The following HNRNPH3 variants were observed in gnomAD, a reference collection of about 807,000 sequenced individuals.
HNRNPH3 encodes heterogeneous nuclear ribonucleoprotein H3, also known as heterogeneous nuclear ribonucleoprotein 2H9.
Under a neutral mutation model 47.0 loss-of-function variants are expected in HNRNPH3, and 7 were observed. The observed-to-expected ratio is 0.15, with a 90% CI of 0.08 to 0.28. HNRNPH3 has a LOEUF of 0.28. HNRNPH3 is among the 10% of genes least tolerant of loss of function. The pLI is 1.00. For missense variants in HNRNPH3, 279 were observed against 449.6 expected (o/e 0.62, Z 3.43); for synonymous variants, 120 against 143.2 (o/e 0.84, Z 1.16).
chr10:68,337,479 T>C lies in HNRNPH3; in HGVS notation c.112+146T>C. On this transcript the variant is annotated intron_variant, in intron 2 of 9. Transcript: ENST00000265866. The surrounding 1 kb of genome is among the most constrained non-coding windows in gnomAD (Gnocchi z 4.5). The stretch of plus-strand genomic sequence containing the variant: ...TGGTTAATGTATTAAAATAATATGC[T>C]CCAGTTAATATTCAATACAGAATGT... 1 of 597,070 alleles carries C rather than the reference T, an allele frequency of 1.7e-6. No homozygotes were observed. The highest frequency in any genetic ancestry group is 3.0e-6 in the Non-Finnish European group (1 of 336,554). 37.0% of individuals were successfully genotyped at this position (597,070 alleles called of 1,614,324 possible). A position where few individuals can be genotyped will look rare whatever the true frequency, so the allele number is the denominator to read the frequency against.
At chr10:68,340,886 C>T (rs1297313213) in intron 6 of HNRNPH3, among the ~76,000 whole-genome samples, 13 of 151,822 alleles carry the variant, frequency 8.6e-5, no homozygotes, top group Non-Finnish European at 1.5e-5. Flanking sequence ...TACTGCAGCT[C>T]CCACCTCCTG....
intron 5 of HNRNPH3, 24 bp from the exon 6 acceptor site, chr10:68,339,416 A>G: frequency 1.3e-6 from 2 of 1,592,586 alleles, no homozygotes; most frequent in Non-Finnish European, 8.6e-7. Context: ...ATAGTTTATA[A>G]TCTTGGCAAA....
chr10:68,334,506 CACT>C (rs1472622858), intron 1 of HNRNPH3, among the ~76,000 whole-genome samples: 3 of 152,116 alleles, frequency 2.0e-5, no homozygotes, highest in Non-Finnish European at 4.4e-5. Context: ...GTGTGACCGT[CACT>C]ACAATTTAAT....
At position 68,341,592 on chromosome 10, in the gene HNRNPH3, A is replaced by G; in HGVS notation, c.783A>G (p.Arg261=). 2 of 1,604,328 alleles carry G rather than the reference A, an allele frequency of 1.2e-6. No homozygotes were observed. Among genetic ancestry groups the G allele is most frequent in the Non-Finnish European group, 1.7e-6 (2 of 1,173,064 alleles). ...TTTCTTTTTTTCTTAAAGAACATCGATATATTGAACTCTTCTTGAATTCTA... is the reference window on the plus strand; with the variant it reads ...TTTCTTTTTTTCTTAAAGAACATCGGTATATTGAACTCTTCTTGAATTCTA... ...MSKDKNNMQH[R]YIELFLNSTP... The change falls in exon 8 of 10, where the codon CGA becomes CGG. Residue 261 remains arginine, a synonymous_variant. Transcript: ENST00000265866.
At chr10:68,339,100 G>T in intron 4 of HNRNPH3, 40 bp from the exon 5 acceptor site, 1 of 1,435,060 alleles carries the variant, frequency 7.0e-7, no homozygotes, top group Non-Finnish European at 9.6e-7. Flanking sequence ...ATTTATCTCT[G>T]GAAAGTGTGT....
intron 1 of HNRNPH3, among the ~76,000 whole-genome samples, chr10:68,336,045 T>C (rs537585827): frequency 6.6e-6 from 1 of 152,320 alleles, no homozygotes; most frequent in Non-Finnish European, 1.5e-5. Flanking sequence ...AAAAATATTT[T>C]ACCCTTTGCA....
At position 68,341,669 on chromosome 10, in the gene HNRNPH3, G is replaced by C; in HGVS notation, c.860G>C (p.Arg287Thr). 6.2e-7 allele frequency: 1 copy of C among 1,612,410 alleles called. No homozygotes were observed. The highest frequency in any genetic ancestry group is 8.5e-7 in the Non-Finnish European group (1 of 1,178,578). ...MGGSGMGGYG[R>T]DGMDNQGGYG... ...GGTTCTGGAATGGGAGGCTACGGAA[G>C]AGATGGAATGGGTATGTAAAGTTTT... Residue 287 changes from arginine to threonine, a missense_variant, in exon 8 of 10, where the codon AGA becomes ACA. Transcript: ENST00000265866.
At chr10:68,332,529 C>T (rs1165464088) in intron 1 of HNRNPH3, among the ~76,000 whole-genome samples, 3 of 152,362 alleles carry the variant, frequency 2.0e-5, no homozygotes, top group Non-Finnish European at 4.4e-5. Context: ...GCGGCCACCT[C>T]GGCTTCCCGC....
chr10:68,341,056 A>C, intron 6 of HNRNPH3, 118 bp from the exon 7 acceptor site: 1 of 649,528 alleles, frequency 1.5e-6, no homozygotes, highest in Non-Finnish European at 2.6e-6. Context: ...TGACTAAGTT[A>C]TTAGTCTGAC....
chr10:68,340,027 C>T (rs1290386653), intron 6 of HNRNPH3, among the ~76,000 whole-genome samples: 1 of 150,456 alleles, frequency 6.6e-6, no homozygotes, highest in African/African-American at 2.4e-5. Context: ...TTTTGTTGTA[C>T]CGTTTTTTGT....
Position 68,342,045 on chromosome 10 carries a change from G to T in HNRNPH3, c.1032G>T (p.Gly344=). The T allele has an allele frequency of 1.9e-6, 3 of 1,613,150 alleles. No homozygotes were observed. The highest frequency in any genetic ancestry group is 2.5e-6 in the Non-Finnish European group (3 of 1,179,614). ...QGGMSGGGWR[G]MY ...GCATGAGTGGAGGTGGATGGCGTGGGATGTACTGAAAGCAAAAACACCAAC... is the reference window on the plus strand; with the variant it reads ...GCATGAGTGGAGGTGGATGGCGTGGTATGTACTGAAAGCAAAAACACCAAC... The change falls in exon 10 of 10, where the codon GGG becomes GGT. Residue 344 remains glycine, a synonymous_variant. Coordinates refer to ENST00000265866, the MANE Select transcript of HNRNPH3 (RefSeq NM_012207.3).
In HNRNPH3 at chr10:68,341,458, C is replaced by G. The variant is rs964102916; in HGVS notation, c.776-127C>G. On this transcript the variant is annotated intron_variant, in intron 7 of 9. Coordinates refer to ENST00000265866, the MANE Select transcript of HNRNPH3 (RefSeq NM_012207.3). ...GGCTTTCTGTGGGCTTTATATATCG[C>G]TGTACTAGTAATTAATAAGCATACT... 8 of 993,178 alleles carry G rather than the reference C, an allele frequency of 8.1e-6. No individual in the cohort carries two copies. The African/African-American group carries it at 9.9e-5, about 12-fold the overall frequency. 61.5% of individuals were successfully genotyped at this position (993,178 alleles called of 1,614,324 possible).
chr10:68,338,726 T>C, intron 4 of HNRNPH3, 39 bp downstream of exon 4: 3 of 1,461,860 alleles, frequency 2.1e-6, no homozygotes, highest in Non-Finnish European at 2.8e-6. Context: ...GTTGTCATTT[T>C]CTTAATGTTC....
At position 68,338,491 on chromosome 10, in the gene HNRNPH3, A is replaced by G; in HGVS notation, c.252-12A>G. ...TATGCTGAAACCTGTACCTTAAAAC[A>G]TTTTTAAATAGGTATATTGAGATCT... On this transcript the variant is annotated splice_polypyrimidine_tract_variant and intron_variant, in intron 3 of 9. Transcript: ENST00000265866. 1 of 1,564,182 alleles carries G rather than the reference A, an allele frequency of 6.4e-7. No individual in the cohort carries two copies. The highest frequency in any genetic ancestry group is 8.7e-7 in the Non-Finnish European group (1 of 1,143,206).
rs751574414 is a variant in HNRNPH3 at position 68,339,533 on chromosome 10, C to T, written c.617C>T (p.Ala206Val). Residue 206 changes from alanine to valine, a missense_variant, in exon 6 of 10, where the codon GCA becomes GTA. Coordinates refer to ENST00000265866, the MANE Select transcript of HNRNPH3 (RefSeq NM_012207.3). ...CATATGAGAGGGTTGCCTTTTCGTG[C>T]AACTGAAAATGACATTGCTAATGTG... ...FVHMRGLPFR[A>V]TENDIANFFS... 6.2e-7 allele frequency: 1 copy of T among 1,611,792 alleles called. No individual in the cohort carries two copies. Among genetic ancestry groups the T allele is most frequent in the Non-Finnish European group, 8.5e-7 (1 of 1,177,978 alleles).
Position 68,337,662 on chromosome 10 carries a change from C to T in HNRNPH3, c.113-196C>T. 1.9e-6 allele frequency: 1 copy of T among 538,436 alleles called. No individual in the cohort carries two copies. Among genetic ancestry groups the T allele is most frequent in the African/African-American group, 1.9e-5 (1 of 53,046 alleles). The allele number at this position is 538,436 out of a possible 1,614,324, so 33.4% of individuals were successfully genotyped here. On this transcript the variant is annotated intron_variant, in intron 2 of 9. Coordinates refer to ENST00000265866, the MANE Select transcript of HNRNPH3 (RefSeq NM_012207.3). This position sits in a 1 kb window ranked among gnomAD's most constrained non-coding sequence, Gnocchi z 4.5. ...AGTGTGTAATTACACAGTGTTTTTACACTGGTCGCAAAAAATTTATTTAAT... is the reference window on the plus strand; with the variant it reads ...AGTGTGTAATTACACAGTGTTTTTATACTGGTCGCAAAAAATTTATTTAAT...
intron 5 of HNRNPH3, 55 bp from the exon 6 acceptor site, chr10:68,339,385 A>G (rs2045720302): frequency 6.5e-7 from 1 of 1,534,150 alleles, no homozygotes; most frequent in African/African-American, 1.4e-5. Flanking sequence ...ATGTATGTAT[A>G]CTTCCCTACT....
At chr10:68,338,341 T>C in intron 3 of HNRNPH3, 162 bp from the exon 4 acceptor site, 1 of 478,982 alleles carries the variant, frequency 2.1e-6, no homozygotes, top group Non-Finnish European at 3.7e-6. Flanking sequence ...CTTAAATATT[T>C]AATTAAGTTT....
At chr10:68,336,644 TG>T in intron 1 of HNRNPH3, among the ~76,000 whole-genome samples, 1 of 152,178 alleles carries the variant, frequency 6.6e-6, no homozygotes, top group South Asian at 2.1e-4. Flanking sequence ...GAGGTGGGAG[TG>T]TTGGCCCTTC....
Sources: gnomAD v4.1 joint callset for allele counts (sites outside exome capture counted in the v4.1 genomes callset) on GRCh38, gnomAD v4.1.1 for gene constraint, Gnocchi (gnomAD v3.1) non-coding constraint, MANE v1.5 for transcripts, NCBI Gene and HGNC (gene_info 2026-07-23, HGNC 2026-07-21) for gene names.